The following P3H2 variants were observed in gnomAD, a reference collection of about 807,000 sequenced individuals.
The protein encoded by P3H2 is leprecan-like 1.
P3H2 carries 80 observed loss-of-function variants against 87.0 expected under a neutral mutation model. The observed-to-expected ratio is 0.92, with a 90% CI of 0.77 to 1.11. P3H2 has a LOEUF of 1.11. Among genes scored for constraint, P3H2 ranks in the 50% least tolerant of loss-of-function variants. The probability of loss-of-function intolerance (pLI) is 0.00; values close to 1 mark genes in which losing one functional copy is unlikely to be tolerated. For synonymous variants in P3H2, 367 were observed against 359.3 expected, an observed-to-expected ratio of 1.02 and a Z score of -0.24; for missense variants, 1,001 against 923.9, an observed-to-expected ratio of 1.08 and a Z score of -1.08.
At chr3:189,971,520 T>C (rs1389426460) in intron 12 of P3H2, 1 of 292,324 alleles carries the variant, frequency 3.4e-6, no homozygotes. Flanking sequence ...TGAATAAAGA[T>C]AATTGATGTG....
chr3:190,079,341 AAAATAAATAAATAAAT>A lies in P3H2; in HGVS notation c.480+40895_480+40910del, dbSNP rs200007107. On this transcript the variant is annotated intron_variant, in intron 1 of 14. Coordinates refer to ENST00000319332, the MANE Select transcript of P3H2 (RefSeq NM_018192.4). Reference sequence around the variant, plus strand: ...GTGACAAAGCAAGACTCTGTCTCAAAAAATAAATAAATAAATAAATAAATAAATAAATAAATAAATA... The same window carrying A: ...GTGACAAAGCAAGACTCTGTCTCAAAAAATAAATAAATAAATAAATAAATA... 3.2e-3 allele frequency among the ~76,000 whole-genome samples: 459 copies of A among 142,036 alleles called. 1 individual carries two copies. Among genetic ancestry groups the A allele is most frequent in the African/African-American group, 9.9e-3 (376 of 38,084 alleles). 93.2% of individuals were successfully genotyped at this position (142,036 alleles called of 152,430 possible). A position where few individuals can be genotyped will look rare whatever the true frequency, so the allele number is the denominator to read the frequency against.
chr3:190,107,856 G>C (rs1711909348), intron 1 of P3H2, among the ~76,000 whole-genome samples: 1 of 151,966 alleles, frequency 6.6e-6, no homozygotes, highest in South Asian at 2.1e-4. Flanking sequence ...TCTTAAAACT[G>C]CCTGTACTAT....
Position 189,963,991 on chromosome 3 carries a change from C to G in P3H2, c.2001G>C (p.Leu667=). Reference sequence around the variant, plus strand: ...TATAAAGTGGGTCCAAGGTGAACCACAGAGCCACAGCACACCTCTTTCCCT... The same window carrying G: ...TATAAAGTGGGTCCAAGGTGAACCAGAGAGCCACAGCACACCTCTTTCCCT... The part of the protein sequence containing the change: ...VTKGKRCAVA[L]WFTLDPLYRE... Residue 667 remains leucine, a synonymous_variant, in exon 14 of 15, where the codon CTG becomes CTC. Transcript: ENST00000319332. The G allele has an allele frequency of 6.2e-7, 1 of 1,614,202 alleles. No individual in the cohort carries two copies.
At chr3:190,042,913 G>C (rs1725680475) in intron 1 of P3H2, among the ~76,000 whole-genome samples, 1 of 152,126 alleles carries the variant, frequency 6.6e-6, no homozygotes, top group Non-Finnish European at 1.5e-5. Context: ...ACAAAGGCTA[G>C]TCAATTTTAA....
Position 189,957,459 on chromosome 3 carries a change from G to C in P3H2, c.*453C>G. On this transcript the variant is annotated 3_prime_UTR_variant, in exon 15 of 15. Coordinates refer to ENST00000319332, the MANE Select transcript of P3H2 (RefSeq NM_018192.4). The stretch of plus-strand genomic sequence containing the variant: ...AACTTAATTGTGTGTGTGTGTGTGT[G>C]TGTGTGTGTGTGTGTGTGTGTTTGG... The C allele has an allele frequency of 2.7e-6, 1 of 365,080 alleles. No homozygotes were observed. The highest frequency in any genetic ancestry group is 2.1e-5 in the African/African-American group (1 of 47,868). The allele number at this position is 365,080 out of a possible 1,614,324, so 22.6% of individuals were successfully genotyped here. A position where few individuals can be genotyped will look rare whatever the true frequency, so the allele number is the denominator to read the frequency against.
At chr3:189,960,429 G>A (rs968289974) in intron 14 of P3H2, among the ~76,000 whole-genome samples, 3 of 152,222 alleles carry the variant, frequency 2.0e-5, no homozygotes, top group Non-Finnish European at 4.4e-5. Flanking sequence ...CCACTGACAT[G>A]TGGCAAGAGT....
At chr3:190,105,342 A>C (rs1237522747) in intron 1 of P3H2, among the ~76,000 whole-genome samples, 1 of 152,216 alleles carries the variant, frequency 6.6e-6, no homozygotes, top group Non-Finnish European at 1.5e-5. Context: ...ATCAGGAACA[A>C]TCGCCTCAAA....
intron 1 of P3H2, among the ~76,000 whole-genome samples, chr3:190,086,500 C>T (rs1159368750): frequency 6.6e-6 from 1 of 152,132 alleles, no homozygotes; most frequent in East Asian, 1.9e-4. Flanking sequence ...GAGTAAGAAT[C>T]AGAACTCCTG....
intron 13 of P3H2, among the ~76,000 whole-genome samples, chr3:189,968,722 G>A (rs770071206): frequency 6.6e-6 from 1 of 152,178 alleles, no homozygotes; most frequent in Admixed American, 6.5e-5. Flanking sequence ...CAGTATAAAA[G>A]CATTCCTATT....
chr3:189,987,590 A>G lies in P3H2; in HGVS notation c.1035T>C (p.Asn345=), dbSNP rs370482345. ...CHPDDEDVLD[N]VDYYESLLDD... The stretch of plus-strand genomic sequence containing the variant: ...CCAGCAGACTCTCATAGTAATCCAC[A>G]TTGTCTAGGACATCCTCATCATCTG... The change falls in exon 5 of 15, where the codon AAT becomes AAC. Residue 345 remains asparagine (N), a synonymous_variant. Coordinates refer to ENST00000319332, the MANE Select transcript of P3H2 (RefSeq NM_018192.4). The G allele has an allele frequency of 4.3e-6, 7 of 1,613,958 alleles. No individual in the cohort carries two copies. The African/African-American group carries it at 5.3e-5, about 12-fold the overall frequency.
intron 10 of P3H2, among the ~76,000 whole-genome samples, chr3:189,973,371 T>G (rs1723235888): frequency 1.3e-5 from 2 of 152,198 alleles, no homozygotes; most frequent in Non-Finnish European, 1.5e-5. Context: ...ATGTATTTTT[T>G]GTCAGGAAAT....
At chr3:190,019,012 C>T (rs1472346588) in intron 1 of P3H2, among the ~76,000 whole-genome samples, 5 of 152,188 alleles carry the variant, frequency 3.3e-5, no homozygotes, top group Non-Finnish European at 5.9e-5. Context: ...ACTACTGGAT[C>T]CTATGCCACT....
intron 1 of P3H2, among the ~76,000 whole-genome samples, chr3:190,103,147 G>A (rs1223546046): frequency 6.6e-6 from 1 of 152,172 alleles, no homozygotes; most frequent in African/African-American, 2.4e-5. Context: ...TATTGCAATG[G>A]TCTGGAACCA....
intron 11 of P3H2, 21 bp from the exon 12 acceptor site, chr3:189,972,028 G>C (rs1337129440): frequency 1.4e-6 from 2 of 1,433,946 alleles, no homozygotes; most frequent in Non-Finnish European, 2.0e-6. Context: ...AGGGAATAGG[G>C]AAGAACGAGA....
chr3:190,087,013 A>C (rs1456784931), intron 1 of P3H2, among the ~76,000 whole-genome samples: 1 of 152,210 alleles, frequency 6.6e-6, no homozygotes, highest in Non-Finnish European at 1.5e-5. Context: ...GAGCAGTAGT[A>C]ATTAAGTCTA....
intron 1 of P3H2, among the ~76,000 whole-genome samples, chr3:190,010,001 G>T (rs1577270635): frequency 6.6e-6 from 1 of 152,078 alleles, no homozygotes; most frequent in Non-Finnish European, 1.5e-5. Context: ...AAGATGACTA[G>T]GAGCCTAAGT....
intron 1 of P3H2, among the ~76,000 whole-genome samples, chr3:190,056,401 C>T (rs942117569): frequency 3.3e-5 from 5 of 152,106 alleles, no homozygotes; most frequent in African/African-American, 1.2e-4. Context: ...CCGCTATATT[C>T]CCGAGTACTC....
rs115855455 is a variant in P3H2, at chr3:190,035,182, G to T, written c.481-39740C>A. Among the ~76,000 whole-genome samples the T allele has an allele frequency of 7.6e-3, 1,144 of 151,462 alleles. 17 individuals are homozygous for T. The highest frequency in any genetic ancestry group is 0.026 in the African/African-American group (1,070 of 41,306). On this transcript the variant is annotated intron_variant, in intron 1 of 14. Coordinates refer to ENST00000319332, the MANE Select transcript of P3H2 (RefSeq NM_018192.4). The stretch of plus-strand genomic sequence containing the variant: ...CTATTTTTTTCTTTTCTTTTTTTTG[G>T]TTTTTTTGTTTGTAATTGCTTCCTT...
chr3:190,120,785 C>G lies in P3H2; in HGVS notation c.-54G>C. 6.7e-7 allele frequency: 1 copy of G among 1,500,478 alleles called. No homozygotes were observed. Among genetic ancestry groups the G allele is most frequent in the South Asian group, 1.2e-5 (1 of 80,562 alleles). 92.9% of individuals were successfully genotyped at this position (1,500,478 alleles called of 1,614,324 possible). On this transcript the variant is annotated 5_prime_UTR_variant, in exon 1 of 15. Transcript: ENST00000319332. ...TACGCTCGAGAGGGCTTCGGGGCAC[C>G]TCGCGTCCGGGTCCCCTCTCCCACC... is the stretch of plus-strand genomic sequence containing the variant.
Sources: gnomAD v4.1 joint callset for allele counts (sites outside exome capture counted in the v4.1 genomes callset) on GRCh38, gnomAD v4.1.1 for gene constraint, MANE v1.5 for transcripts, NCBI Gene and HGNC (gene_info 2026-07-23, HGNC 2026-07-21) for gene names.